The following GPC6 variants were observed in gnomAD, a reference collection of about 807,000 sequenced individuals.
GPC6 encodes glypican-6.
GPC6 carries 14 observed loss-of-function variants against 55.2 expected under a neutral mutation model. The ratio of observed to expected loss-of-function variants is 0.25; its 90% CI spans 0.17 to 0.40. The LOEUF is 0.40. Ranked by LOEUF, GPC6 falls within the 10% of genes least tolerant of loss-of-function variation. The pLI is 1.00. For missense variants in GPC6, 641 were observed against 708.5 expected (o/e 0.90, Z 1.08); for synonymous variants, 278 against 259.6 (o/e 1.07, Z -0.68).
intron 3 of GPC6, among the ~76,000 whole-genome samples, chr13:93,976,145 C>A (rs1880505495): frequency 6.6e-6 from 1 of 152,062 alleles, no homozygotes; most frequent in Non-Finnish European, 1.5e-5. Context: ...CACATGCATC[C>A]AACTCAGAAA....
chr13:93,426,986 C>G (rs1226741800), intron 1 of GPC6, among the ~76,000 whole-genome samples: 1 of 150,326 alleles, frequency 6.7e-6, no homozygotes, highest in Non-Finnish European at 1.5e-5. Context: ...CTCTGATGGC[C>G]AGTGATGGTG....
At chr13:93,235,055 A>C (rs755255360) in intron 1 of GPC6, among the ~76,000 whole-genome samples, 1 of 152,234 alleles carries the variant, frequency 6.6e-6, no homozygotes, top group Non-Finnish European at 1.5e-5. Flanking sequence ...TGGAGAATTA[A>C]TCAAATTGTG....
At chr13:93,773,277 TG>T (rs1885359927) in intron 2 of GPC6, among the ~76,000 whole-genome samples, 1 of 152,210 alleles carries the variant, frequency 6.6e-6, no homozygotes, top group Admixed American at 6.5e-5. Context: ...TGTTATATTC[TG>T]AGTAACAACT....
intron 3 of GPC6, among the ~76,000 whole-genome samples, chr13:93,871,433 G>T (rs1178807119): frequency 1.3e-5 from 2 of 151,896 alleles, no homozygotes; most frequent in Non-Finnish European, 2.9e-5. Context: ...CAACTGTAAT[G>T]ACTTCATAGA....
chr13:94,067,620 T>TAGATAGATAGACAGAC (rs879350059), intron 4 of GPC6, among the ~76,000 whole-genome samples: 1 of 121,014 alleles, frequency 8.3e-6, no homozygotes, highest in South Asian at 2.5e-4. Context: ...GATAGATAGA[T>TAGATAGATAGACAGAC]AGACAGACAG....
At chr13:93,485,048 G>C (rs1201623761) in intron 1 of GPC6, among the ~76,000 whole-genome samples, 1 of 152,178 alleles carries the variant, frequency 6.6e-6, no homozygotes, top group Non-Finnish European at 1.5e-5. Flanking sequence ...TTTACAGCTT[G>C]ATGTGATAAC....
At chr13:94,294,918 A>T (rs1391347579) in intron 5 of GPC6, among the ~76,000 whole-genome samples, 1 of 152,182 alleles carries the variant, frequency 6.6e-6, no homozygotes. Flanking sequence ...CAAGAGTTAC[A>T]TCTTATTCAT....
At chr13:93,837,519 T>G (rs1448892630) in intron 3 of GPC6, among the ~76,000 whole-genome samples, 1 of 152,224 alleles carries the variant, frequency 6.6e-6, no homozygotes, top group East Asian at 1.9e-4. Context: ...TCAGTCCTGA[T>G]CAGTAAACAT....
At chr13:94,339,640 G>A (rs1316150840) in intron 6 of GPC6, among the ~76,000 whole-genome samples, 1 of 151,496 alleles carries the variant, frequency 6.6e-6, no homozygotes, top group African/African-American at 2.4e-5. Flanking sequence ...TAAAATAAAA[G>A]TGAGCTGAAA....
At chr13:94,173,555 G>C (rs1888646369) in intron 4 of GPC6, among the ~76,000 whole-genome samples, 1 of 152,118 alleles carries the variant, frequency 6.6e-6, no homozygotes, top group Non-Finnish European at 1.5e-5. Flanking sequence ...TTTCCAAGCT[G>C]ATTCATTCCC....
At chr13:93,546,822 G>C (rs1334310271) in intron 2 of GPC6, among the ~76,000 whole-genome samples, 1 of 152,150 alleles carries the variant, frequency 6.6e-6, no homozygotes, top group Non-Finnish European at 1.5e-5. Flanking sequence ...TCTGTTGCCA[G>C]TGATTTTGAC....
At chr13:93,880,571 G>A (rs895348124) in intron 3 of GPC6, among the ~76,000 whole-genome samples, 1 of 152,096 alleles carries the variant, frequency 6.6e-6, no homozygotes, top group African/African-American at 2.4e-5. Flanking sequence ...TTGTGGGGTT[G>A]GGGGAGGAGG....
chr13:93,286,625 G>T (rs1398469130), intron 1 of GPC6, among the ~76,000 whole-genome samples: 1 of 152,110 alleles, frequency 6.6e-6, no homozygotes, highest in Non-Finnish European at 1.5e-5. Flanking sequence ...CAGAAGTTTG[G>T]CATTCTGTGC....
chr13:93,593,948 A>G (rs1007487469), intron 2 of GPC6, among the ~76,000 whole-genome samples: 2 of 152,134 alleles, frequency 1.3e-5, no homozygotes, highest in African/African-American at 4.8e-5. Context: ...GCAGAAAAAT[A>G]TGTATATTAG....
At chr13:93,534,429 G>T (rs1404891875) in intron 1 of GPC6, among the ~76,000 whole-genome samples, 4 of 152,190 alleles carry the variant, frequency 2.6e-5, no homozygotes, top group East Asian at 3.9e-4. Flanking sequence ...GATGTGCATC[G>T]CAAGGTCCCT....
chr13:93,857,265 G>A (rs1045152885), intron 3 of GPC6, among the ~76,000 whole-genome samples: 2 of 151,588 alleles, frequency 1.3e-5, no homozygotes, highest in African/African-American at 4.8e-5. Flanking sequence ...GAAGGCAGCA[G>A]AATGAAAGAA....
intron 3 of GPC6, among the ~76,000 whole-genome samples, chr13:93,847,602 G>A (rs180848977): frequency 2.3e-3 from 354 of 152,098 alleles, no homozygotes; most frequent in Middle Eastern, 0.01. Flanking sequence ...TATTACTTGG[G>A]TGCATACGGT....
intron 1 of GPC6, among the ~76,000 whole-genome samples, chr13:93,340,863 C>A (rs1016052021): frequency 6.6e-6 from 1 of 152,044 alleles, no homozygotes. Context: ...GTGGTGATTT[C>A]TGAAATTTTA....
intron 4 of GPC6, among the ~76,000 whole-genome samples, chr13:94,264,373 T>C (rs1891733173): frequency 6.6e-6 from 1 of 152,228 alleles, no homozygotes; most frequent in South Asian, 2.1e-4. Context: ...GTTTGTTCCT[T>C]ATATCTAATC....
Sources: gnomAD v4.1 joint callset for allele counts (sites outside exome capture counted in the v4.1 genomes callset) on GRCh38, gnomAD v4.1.1 for gene constraint, MANE v1.5 for transcripts, NCBI Gene and HGNC (gene_info 2026-07-23, HGNC 2026-07-21) for gene names.